Variants in CATSPER1 observed in about 807,000 individuals in gnomAD.
CATSPER1 encodes the protein cation channel sperm associated 1, also known as cation channel sperm-associated protein 1.
Under a neutral mutation model 72.7 loss-of-function variants are expected in CATSPER1, and 57 were observed. The ratio of observed to expected loss-of-function variants is 0.78; its 90% CI spans 0.63 to 0.98. The LOEUF (loss-of-function observed/expected upper bound fraction) is 0.98. Ranked by LOEUF, CATSPER1 falls within the 50% of genes least tolerant of loss-of-function variation. The pLI, the probability that CATSPER1 is intolerant of heterozygous loss-of-function variation, is 0.00. For synonymous variants in CATSPER1, 363 were observed against 403.0 expected (o/e 0.90, Z 1.19); for missense variants, 910 against 1,033.9 (o/e 0.88, Z 1.64).
Position 66,017,279 on chromosome 11 carries a change from C to A in CATSPER1, c.2202-105G>T, listed in dbSNP as rs904135181. 3.1e-5 allele frequency: 23 copies of A among 751,918 alleles called. No individual in the cohort carries two copies. The Admixed American group carries it at 4.7e-4, about 15-fold the overall frequency. 46.6% of individuals were successfully genotyped at this position (751,918 alleles called of 1,614,324 possible). A position where few individuals can be genotyped will look rare whatever the true frequency, so the allele number is the denominator to read the frequency against. On this transcript the variant is annotated intron_variant, in intron 10 of 11. Transcript: ENST00000312106. ...AGAGGCTCTTCTTGCCTGCCTCCTCCCCACAAAATTTATATGACTGCAGAC... is the reference window on the plus strand; with the variant it reads ...AGAGGCTCTTCTTGCCTGCCTCCTCACCACAAAATTTATATGACTGCAGAC...
chr11:66,025,239 C>T lies in CATSPER1; in HGVS notation c.1141G>A (p.Val381Ile), dbSNP rs1379234405. Residue 381 changes from valine to isoleucine, a missense_variant, in exon 1 of 12, where the codon GTC becomes ATC. Transcript: ENST00000312106. Reference protein sequence around the residue: ...RSRVTQMSKKVHTQDISTKHS... With the variant: ...RSRVTQMSKKIHTQDISTKHS... ...TTGGTGGAGATATCCTGGGTATGGACTTTTTTGGACATCTGGGTGACACGT... is the reference window on the plus strand; with the variant it reads ...TTGGTGGAGATATCCTGGGTATGGATTTTTTTGGACATCTGGGTGACACGT... 2 of 1,614,092 alleles carry T rather than the reference C, an allele frequency of 1.2e-6. No individual in the cohort carries two copies. Among genetic ancestry groups the T allele is most frequent in the South Asian group, 1.1e-5 (1 of 91,082 alleles).
chr11:66,019,259 C>T (rs780972781), intron 9 of CATSPER1, among the ~76,000 whole-genome samples: 21 of 151,980 alleles, frequency 1.4e-4, no homozygotes, highest in Non-Finnish European at 2.8e-4. Context: ...TAACTTAGGC[C>T]TGGCCAATTA....
chr11:66,017,267 G>T lies in CATSPER1; in HGVS notation c.2202-93C>A, dbSNP rs1043861460. The T allele has an allele frequency of 6.0e-6, 5 of 833,002 alleles. No individual in the cohort carries two copies. The African/African-American group carries it at 6.7e-5, about 11-fold the overall frequency. The allele number at this position is 833,002 out of a possible 1,614,324, so 51.6% of individuals were successfully genotyped here. A position where few individuals can be genotyped will look rare whatever the true frequency, so the allele number is the denominator to read the frequency against. On this transcript the variant is annotated intron_variant, in intron 10 of 11. Coordinates refer to ENST00000312106, the MANE Select transcript of CATSPER1 (RefSeq NM_053054.4). ...CCAGAACCACCCAGAGGCTCTTCTT[G>T]CCTGCCTCCTCCCCACAAAATTTAT...
rs749769569 is a variant in CATSPER1 at position 66,021,560 on chromosome 11, G to A, written c.1627C>T (p.Arg543Trp). 10 of 1,613,600 alleles carry A rather than the reference G, an allele frequency of 6.2e-6. No individual in the cohort carries two copies. Among genetic ancestry groups the A allele is most frequent in the African/African-American group, 1.3e-5 (1 of 74,928 alleles). Residue 543 changes from arginine (R) to tryptophan (W), a missense_variant, in exon 4 of 12, where the codon CGG becomes TGG. By Grantham distance (101) the Arg-to-Trp change is moderately radical. Coordinates refer to ENST00000312106, the MANE Select transcript of CATSPER1 (RefSeq NM_053054.4). ...AGGCTCTTGAAGACCTTGAGGATCC[G>A]GAAGAGGCTTTGGTGGTAGATGGCG... is the stretch of plus-strand genomic sequence containing the variant. ...SFAIYHQSLF[R>W]ILKVFKSLRA...
intron 3 of CATSPER1, 39 bp downstream of exon 3, chr11:66,021,727 C>A (rs60415681): frequency 6.2e-7 from 1 of 1,613,472 alleles, no homozygotes; most frequent in Non-Finnish European, 8.5e-7. Context: ...GAGCCTCCCC[C>A]AGACTAAACA....
chr11:66,022,539 C>G (rs934679166), intron 2 of CATSPER1, among the ~76,000 whole-genome samples: 2 of 152,176 alleles, frequency 1.3e-5, no homozygotes, highest in African/African-American at 4.8e-5. Flanking sequence ...TCTCGGGCTC[C>G]CGGCCCTTCC....
In CATSPER1 at chr11:66,018,855, C is replaced by T. The variant is rs369120181; in HGVS notation, c.2173G>A (p.Glu725Lys). ...TCAGTCATGGTCCCAAACTTTTTCT[C>T]GATGAGCCGCTTCAGCATGGTGCCT... ...SEGTMLKRLI[E>K]KKFGTMTEKQ... The change falls in exon 10 of 12, where the codon GAG becomes AAG. Residue 725 changes from glutamate (E) to lysine (K), a missense_variant. Physicochemically the swap from Glu to Lys is moderately conservative, Grantham distance 56 (BLOSUM62 1). Coordinates refer to ENST00000312106, the MANE Select transcript of CATSPER1 (RefSeq NM_053054.4). The T allele has an allele frequency of 2.0e-5, 33 of 1,613,804 alleles. No individual in the cohort carries two copies. Among genetic ancestry groups the T allele is most frequent in the African/African-American group, 1.5e-4 (11 of 74,878 alleles).
intron 1 of CATSPER1, among the ~76,000 whole-genome samples, chr11:66,023,633 C>A (rs1186319926): frequency 6.6e-6 from 1 of 151,456 alleles, no homozygotes; most frequent in Non-Finnish European, 1.5e-5. Flanking sequence ...TCACTGGAGG[C>A]CAGGAGTTTG....
chr11:66,025,034 T>C (rs1222297861), intron 1 of CATSPER1, 130 bp downstream of exon 1: 3 of 1,060,826 alleles, frequency 2.8e-6, no homozygotes, highest in South Asian at 1.3e-5. Flanking sequence ...GGAGAGTGAA[T>C]AGCCAGTGGG....
At position 66,019,228 on chromosome 11, in the gene CATSPER1, C is replaced by T. The variant is rs545456372; in HGVS notation, c.2126-326G>A. Among the ~76,000 whole-genome samples, 97 of 152,092 alleles carry T rather than the reference C, an allele frequency of 6.4e-4. 2 individuals carry two copies. The highest frequency in any genetic ancestry group is 9.2e-4 in the Admixed American group (14 of 15,272). On this transcript the variant is annotated intron_variant, in intron 9 of 11. Transcript: ENST00000312106. ...TGTCCTCTGGCTGAAGTTAGCCCCA[C>T]CCCCCAGCTTCAAGGACAGGTAACT...
chr11:66,017,169 T>C lies in CATSPER1; in HGVS notation c.2207A>G (p.Gln736Arg), dbSNP rs1856255288. Residue 736 changes from glutamine (Q) to arginine (R), a missense_variant, in exon 11 of 12, where the codon CAG becomes CGG. Gln to Arg is a conservative substitution (Grantham distance 43). Transcript: ENST00000312106. Reference sequence around the variant, plus strand: ...CTGCAGGTAATGGAACAGGAGCTCCTGCTGCCTGCGGGTGGGCGGGGGGGT... The same window carrying C: ...CTGCAGGTAATGGAACAGGAGCTCCCGCTGCCTGCGGGTGGGCGGGGGGGT... ...KKFGTMTEKQ[Q>R]ELLFHYLQLV... 1 of 567,908 alleles carries C rather than the reference T, an allele frequency of 1.8e-6. No individual in the cohort carries two copies. The highest frequency in any genetic ancestry group is 3.3e-6 in the Non-Finnish European group (1 of 307,088). The allele number at this position is 567,908 out of a possible 1,614,324, so 35.2% of individuals were successfully genotyped here. A position where few individuals can be genotyped will look rare whatever the true frequency, so the allele number is the denominator to read the frequency against.
intron 10 of CATSPER1, among the ~76,000 whole-genome samples, chr11:66,017,464 C>A (rs916341250): frequency 1.3e-5 from 2 of 151,968 alleles, no homozygotes; most frequent in East Asian, 3.9e-4. Flanking sequence ...GACCATCCAC[C>A]CATCCATCCA....
rs763330042 is a variant in CATSPER1, at chr11:66,023,960, TTTG to T, written c.1217-902_1217-900del. 1.2e-4 allele frequency among the ~76,000 whole-genome samples: 18 copies of T among 151,558 alleles called. No individual in the cohort carries two copies. In the South Asian group the frequency reaches 1.3e-3, roughly 11 times the overall value. On this transcript the variant is annotated intron_variant, in intron 1 of 11. Coordinates refer to ENST00000312106, the MANE Select transcript of CATSPER1 (RefSeq NM_053054.4). ...TTCCTGAGACTGTTGTCATATTTTG[TTTG>T]TTGTTGTTGTTGTTTTCTGAGATGG...
chr11:66,019,619 G>A (rs1208520947), intron 9 of CATSPER1, among the ~76,000 whole-genome samples: 1 of 152,054 alleles, frequency 6.6e-6, no homozygotes, highest in Non-Finnish European at 1.5e-5. Flanking sequence ...GTCAGGTGTT[G>A]TGGCTCACAC....
intron 1 of CATSPER1, among the ~76,000 whole-genome samples, chr11:66,023,465 C>G (rs1051196326): frequency 6.6e-6 from 1 of 152,174 alleles, no homozygotes; most frequent in South Asian, 2.1e-4. Flanking sequence ...CACACAAGCC[C>G]GGATTCCCAG....
Position 66,023,357 on chromosome 11 carries a change from G to A in CATSPER1, c.1217-296C>T, listed in dbSNP as rs186339016. Among the ~76,000 whole-genome samples, 30 of 151,504 alleles carry A rather than the reference G, an allele frequency of 2.0e-4. No individual in the cohort carries two copies. In the East Asian group the frequency reaches 5.7e-3, roughly 29 times the overall value. ...CCACCACGTAGATGCAGAAGAATAT[G>A]GAGTCCAAGGCCATGAAGTACCACT... On this transcript the variant is annotated intron_variant, in intron 1 of 11. Transcript: ENST00000312106.
chr11:66,021,152 G>A lies in CATSPER1; in HGVS notation c.1725C>T (p.Thr575=). The change falls in exon 5 of 12, where the codon ACC becomes ACT. Residue 575 remains threonine, a synonymous_variant. Transcript: ENST00000312106. ...FLTSVQEVTG[T]LGQSLPSIAA... is the part of the protein sequence containing the mutation. ...CGATGGACGGCAAGGACTGGCCCAG[G>A]GTCCCTGTCACTTCCTGGACGCTGG... 3 of 1,613,482 alleles carry A rather than the reference G, an allele frequency of 1.9e-6. No homozygotes were observed.
Position 66,021,072 on chromosome 11 carries a change from A to G in CATSPER1, c.1783+22T>C, listed in dbSNP as rs768681559. 42 of 1,597,130 alleles carry G rather than the reference A, an allele frequency of 2.6e-5. 2 individuals carry two copies. In the South Asian group the frequency reaches 4.6e-4, roughly 17 times the overall value. ...CCGCAGCCCCTCAGGCCCCCACCCC[A>G]GCCCCTGCAGCACCAGGATACAGAG... On this transcript the variant is annotated intron_variant, in intron 5 of 11. Coordinates refer to ENST00000312106, the MANE Select transcript of CATSPER1 (RefSeq NM_053054.4).
chr11:66,020,538 G>T lies in CATSPER1; in HGVS notation c.1991+26C>A. The stretch of plus-strand genomic sequence containing the variant: ...GAGGAGGAAGTGTGGGTGGTGCTGG[G>T]CAGCAGAGCAGGGGTGAGTCCTCAC... On this transcript the variant is annotated intron_variant, in intron 7 of 11. Transcript: ENST00000312106. The surrounding 1 kb of genome is among the most constrained non-coding windows in gnomAD (Gnocchi z 4.5). The T allele has an allele frequency of 5.0e-6, 8 of 1,605,618 alleles. No homozygotes were observed. The highest frequency in any genetic ancestry group is 6.8e-6 in the Non-Finnish European group (8 of 1,173,478).
Sources: allele counts gnomAD v4.1 joint callset (sites outside exome capture counted in the v4.1 genomes callset), GRCh38; gene constraint gnomAD v4.1.1; non-coding constraint Gnocchi (gnomAD v3.1); transcripts MANE v1.5; gene names NCBI Gene and HGNC (gene_info 2026-07-23, HGNC 2026-07-21).